Variants in DISC1 observed in about 807,000 individuals in gnomAD.
DISC1 encodes DISC1 scaffold protein.
Under a neutral mutation model 84.5 loss-of-function variants are expected in DISC1, and 57 were observed. That is an observed-to-expected ratio of 0.67 (90% CI 0.55 to 0.84). The LOEUF (loss-of-function observed/expected upper bound fraction) is 0.84, where lower values mean the gene tolerates loss of function less well. Among genes scored for constraint, DISC1 ranks in the 40% least tolerant of loss-of-function variants. The pLI is 0.00. For synonymous variants in DISC1, 411 were observed against 415.2 expected (o/e 0.99, Z 0.12); for missense variants, 1,000 against 1,057.8 (o/e 0.95, Z 0.76).
At chr1:231,904,405 G>A (rs142133798) in intron 9 of DISC1, among the ~76,000 whole-genome samples, 3 of 152,262 alleles carry the variant, frequency 2.0e-5, no homozygotes, top group African/African-American at 7.2e-5. Flanking sequence ...CACTGCTGGA[G>A]AGGGGAGCTG....
intron 9 of DISC1, among the ~76,000 whole-genome samples, chr1:231,948,746 T>A (rs1382438536): frequency 1.3e-5 from 2 of 151,916 alleles, no homozygotes; most frequent in Admixed American, 1.3e-4. Flanking sequence ...TCTGGAGGAA[T>A]CTGGAAGTGA....
intron 10 of DISC1, among the ~76,000 whole-genome samples, chr1:231,962,026 AC>A (rs751016221): frequency 2.1e-4 from 32 of 152,194 alleles, no homozygotes; most frequent in Non-Finnish European, 4.1e-4. Context: ...TTTCTTCACA[AC>A]CTCTCCAGCA....
chr1:231,786,354 A>G (rs2077859610), intron 6 of DISC1, among the ~76,000 whole-genome samples: 1 of 152,226 alleles, frequency 6.6e-6, no homozygotes, highest in Non-Finnish European at 1.5e-5. Context: ...TTAGTGGGGT[A>G]GTGGTGTAAT....
intron 10 of DISC1, among the ~76,000 whole-genome samples, chr1:232,000,604 C>T (rs1309262266): frequency 6.6e-6 from 1 of 152,016 alleles, no homozygotes; most frequent in Non-Finnish European, 1.5e-5. Flanking sequence ...TACACAAATC[C>T]CCAGGAGAAT....
At chr1:231,627,865 C>T (rs369302187) in intron 1 of DISC1, among the ~76,000 whole-genome samples, 1 of 152,146 alleles carries the variant, frequency 6.6e-6, no homozygotes, top group Admixed American at 6.5e-5. Flanking sequence ...ATCAACTGGA[C>T]AAATTTGAAT....
At chr1:231,828,744 T>C (rs2082029799) in intron 9 of DISC1, among the ~76,000 whole-genome samples, 1 of 152,180 alleles carries the variant, frequency 6.6e-6, no homozygotes. Flanking sequence ...ACACTTGTAC[T>C]GAGAAAGAGG....
chr1:231,819,640 T>A (rs2081346397), intron 9 of DISC1, among the ~76,000 whole-genome samples: 2 of 152,202 alleles, frequency 1.3e-5, no homozygotes, highest in Non-Finnish European at 2.9e-5. Context: ...CGTTTGAGGC[T>A]AAATAACTGT....
chr1:231,662,388 C>A (rs1448203154), intron 1 of DISC1, among the ~76,000 whole-genome samples: 1 of 151,926 alleles, frequency 6.6e-6, no homozygotes, highest in African/African-American at 2.4e-5. Context: ...GCCACCTCTC[C>A]CCCTGGGAGC....
intron 9 of DISC1, among the ~76,000 whole-genome samples, chr1:231,878,478 A>C (rs2086052265): frequency 6.6e-6 from 1 of 152,172 alleles, no homozygotes; most frequent in African/African-American, 2.4e-5. Flanking sequence ...AGAAAAGACC[A>C]GTGAGGTCAG....
intron 9 of DISC1, among the ~76,000 whole-genome samples, chr1:231,895,912 C>T (rs551144655): frequency 1.5e-4 from 23 of 152,156 alleles, no homozygotes; most frequent in Admixed American, 2.6e-4. Context: ...TTCTAAAATA[C>T]GCATCCCTTC....
chr1:231,853,278 G>A (rs900554282), intron 9 of DISC1, among the ~76,000 whole-genome samples: 3 of 152,170 alleles, frequency 2.0e-5, no homozygotes, highest in Non-Finnish European at 2.9e-5. Context: ...TTGGGGATAC[G>A]TTATGAGAAA....
chr1:232,008,508 G>A (rs992517474), intron 10 of DISC1, among the ~76,000 whole-genome samples: 7 of 150,748 alleles, frequency 4.6e-5, no homozygotes, highest in Admixed American at 2.6e-4. Context: ...AGCAGAAACT[G>A]TGTTGTATTG....
intron 1 of DISC1, among the ~76,000 whole-genome samples, chr1:231,687,003 C>A (rs2064363049): frequency 6.6e-6 from 1 of 152,228 alleles, no homozygotes; most frequent in Non-Finnish European, 1.5e-5. Flanking sequence ...ACAAGTTCCT[C>A]ATCTCCATCT....
At position 231,757,068 on chromosome 1, in the gene DISC1, T is replaced by C. The variant is rs1363444089; in HGVS notation, c.1268+6992T>C. ...TCCGAGTCAAGGGGTATATATAATA[T>C]TTTTGAATGAGTGGTGCTTTTCCTG... On this transcript the variant is annotated intron_variant, in intron 4 of 12. Coordinates refer to ENST00000439617, the MANE Select transcript of DISC1 (RefSeq NM_018662.3). Among the ~76,000 whole-genome samples the C allele has an allele frequency of 2.0e-5, 3 of 152,174 alleles. No individual in the cohort carries two copies. The East Asian group carries it at 5.8e-4, about 29-fold the overall frequency.
chr1:231,916,185 C>T (rs139414134), intron 9 of DISC1, among the ~76,000 whole-genome samples: 109 of 152,284 alleles, frequency 7.2e-4, no homozygotes, highest in African/African-American at 2.6e-3. Flanking sequence ...GGCTTTGTAG[C>T]ATCAACGGGT....
At chr1:231,902,773 C>T (rs892475952) in intron 9 of DISC1, among the ~76,000 whole-genome samples, 1 of 152,164 alleles carries the variant, frequency 6.6e-6, no homozygotes, top group Non-Finnish European at 1.5e-5. Flanking sequence ...TTGATATGTA[C>T]ACGTTGAGTA....
chr1:231,656,269 A>G (rs2061056542), intron 1 of DISC1, among the ~76,000 whole-genome samples: 1 of 152,124 alleles, frequency 6.6e-6, no homozygotes, highest in African/African-American at 2.4e-5. Context: ...GTGTATAGTG[A>G]GAGATAGAGA....
intron 9 of DISC1, among the ~76,000 whole-genome samples, chr1:231,849,144 G>A (rs1400072338): frequency 2.2e-5 from 3 of 134,686 alleles, no homozygotes; most frequent in Non-Finnish European, 3.1e-5. Flanking sequence ...TTTTGAGACA[G>A]AATTTTGCTC....
chr1:231,959,253 A>T, intron 10 of DISC1: 1 of 999,370 alleles, frequency 1.0e-6, no homozygotes, highest in African/African-American at 1.7e-5. Context: ...AAGGCGGTTT[A>T]TACATGGTTT....
Sources: gnomAD v4.1 joint callset for allele counts (sites outside exome capture counted in the v4.1 genomes callset) on GRCh38, gnomAD v4.1.1 for gene constraint, MANE v1.5 for transcripts, NCBI Gene and HGNC (gene_info 2026-07-23, HGNC 2026-07-21) for gene names.